The following BARX2 variants were observed in gnomAD, a reference collection of about 807,000 sequenced individuals.
BARX2 encodes homeobox protein BarH-like 2.
A neutral mutation model predicts 25.5 loss-of-function variants in BARX2; 11 were observed. That is an observed-to-expected ratio of 0.43 (90% confidence interval 0.27 to 0.71). BARX2 has a LOEUF of 0.71. Ranked by LOEUF, BARX2 falls within the 30% of genes least tolerant of loss-of-function variation. The pLI, the probability that BARX2 is intolerant of heterozygous loss-of-function variation, is 0.19. For missense variants in BARX2, 360 were observed against 359.9 expected (o/e 1.00, Z 0.00); for synonymous variants, 137 against 149.5 (o/e 0.92, Z 0.61).
intron 2 of BARX2, among the ~76,000 whole-genome samples, chr11:129,440,463 C>A (rs1274043069): frequency 6.6e-6 from 1 of 152,206 alleles, no homozygotes; most frequent in East Asian, 1.9e-4. Context: ...GGGGTGGCCC[C>A]CTGGGTTCTT....
chr11:129,445,275 T>C (rs1431887984), intron 3 of BARX2, among the ~76,000 whole-genome samples: 2 of 152,216 alleles, frequency 1.3e-5, no homozygotes, highest in Non-Finnish European at 2.9e-5. Flanking sequence ...TCCTCGTCAG[T>C]CATCAGCATT....
At chr11:129,429,260 G>A (rs1862102388) in intron 1 of BARX2, among the ~76,000 whole-genome samples, 1 of 152,034 alleles carries the variant, frequency 6.6e-6, no homozygotes, top group Non-Finnish European at 1.5e-5. Flanking sequence ...GGCCGGGCAT[G>A]GTGGCTCACA....
At position 129,390,079 on chromosome 11, in the gene BARX2, T is replaced by G. The variant is rs1591428550; in HGVS notation, c.187+13857T>G. ...TCTTATGAAGTTTAGTATCTGCTGG[T>G]GAAATACTTTAATTGATGAATCCCC... On this transcript the variant is annotated intron_variant, in intron 1 of 3. Coordinates refer to ENST00000281437, the MANE Select transcript of BARX2 (RefSeq NM_003658.5). The surrounding 1 kb of genome is among the most constrained non-coding windows in gnomAD (Gnocchi z 4.3). 6.6e-6 allele frequency among the ~76,000 whole-genome samples: 1 copy of G among 152,192 alleles called. No individual in the cohort carries two copies. Among genetic ancestry groups the G allele is most frequent in the South Asian group, 2.1e-4 (1 of 4,828 alleles).
At chr11:129,430,114 C>T (rs1247204477) in intron 1 of BARX2, among the ~76,000 whole-genome samples, 5 of 152,082 alleles carry the variant, frequency 3.3e-5, no homozygotes, top group Non-Finnish European at 5.9e-5. Context: ...TTCTGGAGAG[C>T]GGGATATTCC....
chr11:129,447,222 C>G (rs538088326), intron 3 of BARX2, among the ~76,000 whole-genome samples: 1 of 152,162 alleles, frequency 6.6e-6, no homozygotes, highest in Non-Finnish European at 1.5e-5. Flanking sequence ...ACATTCCCTG[C>G]CCCCTACCCA....
chr11:129,414,346 A>T (rs574770525), intron 1 of BARX2, among the ~76,000 whole-genome samples: 2 of 152,060 alleles, frequency 1.3e-5, no homozygotes, highest in Admixed American at 6.5e-5. Context: ...AAGCTGTTTT[A>T]TATGGCTTAT....
intron 3 of BARX2, among the ~76,000 whole-genome samples, chr11:129,447,600 A>C (rs1862345906): frequency 6.6e-6 from 1 of 152,142 alleles, no homozygotes; most frequent in Non-Finnish European, 1.5e-5. Context: ...AGCAGCCAAG[A>C]GGGTAGTTAT....
intron 1 of BARX2, among the ~76,000 whole-genome samples, chr11:129,431,120 C>A (rs1186929084): frequency 1.3e-5 from 2 of 152,230 alleles, no homozygotes. Context: ...CTCGGCCTCC[C>A]AGTGTGCATC....
chr11:129,438,825 G>A (rs990103612), intron 2 of BARX2, among the ~76,000 whole-genome samples: 2 of 152,186 alleles, frequency 1.3e-5, no homozygotes, highest in Non-Finnish European at 2.9e-5. Flanking sequence ...TAGGAACACA[G>A]GATATTGCTG....
chr11:129,391,425 C>A (rs1404652963), intron 1 of BARX2, among the ~76,000 whole-genome samples: 6 of 152,114 alleles, frequency 3.9e-5, no homozygotes, highest in Non-Finnish European at 8.8e-5. Context: ...ACAGCATGGC[C>A]CATAAAGCCT....
chr11:129,402,106 G>C (rs1045523962), intron 1 of BARX2, among the ~76,000 whole-genome samples: 19 of 151,618 alleles, frequency 1.3e-4, no homozygotes, highest in Non-Finnish European at 2.4e-4. Context: ...TCATCGTAGT[G>C]TATGGGATGA....
chr11:129,423,454 A>G (rs1201104521), intron 1 of BARX2, among the ~76,000 whole-genome samples: 1 of 152,112 alleles, frequency 6.6e-6, no homozygotes. Flanking sequence ...TTTGCATGTA[A>G]TCAGGAACTT....
intron 1 of BARX2, among the ~76,000 whole-genome samples, chr11:129,397,796 C>A (rs543976813): frequency 1.3e-5 from 2 of 152,292 alleles, no homozygotes; most frequent in Admixed American, 6.5e-5. Flanking sequence ...CTTGGCCGAG[C>A]AGTTGGTGAG....
intron 3 of BARX2, among the ~76,000 whole-genome samples, chr11:129,445,164 A>G (rs1163543323): frequency 5.3e-4 from 81 of 152,186 alleles, no homozygotes; most frequent in Non-Finnish European, 1.3e-4. Flanking sequence ...TAGACTTGAG[A>G]GTGAGAAGCA....
chr11:129,426,074 T>G (rs1396495413), intron 1 of BARX2, among the ~76,000 whole-genome samples: 2 of 152,094 alleles, frequency 1.3e-5, no homozygotes, highest in African/African-American at 2.4e-5. Context: ...GTTGGCCTCT[T>G]AAAACATTTT....
intron 1 of BARX2, among the ~76,000 whole-genome samples, chr11:129,408,823 G>A (rs1172514054): frequency 6.6e-6 from 1 of 152,006 alleles, no homozygotes; most frequent in Non-Finnish European, 1.5e-5. Context: ...TCTCTCTCTA[G>A]ACTGCAAGCT....
intron 1 of BARX2, among the ~76,000 whole-genome samples, chr11:129,422,578 C>T (rs1490868695): frequency 2.0e-5 from 3 of 152,046 alleles, no homozygotes; most frequent in Non-Finnish European, 2.9e-5. Flanking sequence ...GGATTACAGG[C>T]GTGAGCCATC....
Position 129,451,130 on chromosome 11 carries a change from A to C in BARX2, c.574-6A>C. The C allele has an allele frequency of 6.2e-7, 1 of 1,611,034 alleles. No individual in the cohort carries two copies. Among genetic ancestry groups the C allele is most frequent in the Non-Finnish European group, 8.5e-7 (1 of 1,177,920 alleles). On this transcript the variant is annotated splice_region_variant and splice_polypyrimidine_tract_variant and intron_variant, in intron 3 of 3. Coordinates refer to ENST00000281437, the MANE Select transcript of BARX2 (RefSeq NM_003658.5). Reference sequence around the variant, plus strand: ...TAGATTCAATAACAATTTTTTACTCACGTAGGTTCTTAAAGGTGGACAGGA... The same window carrying C: ...TAGATTCAATAACAATTTTTTACTCCCGTAGGTTCTTAAAGGTGGACAGGA...
chr11:129,438,464 G>A (rs903096), intron 2 of BARX2: 62,888 of 152,000 alleles, frequency 0.41, 13,930 homozygotes, highest in African/African-American at 0.58. Context: ...TCTTTTGCCT[G>A]CTGCCTTGGA....
Sources: gnomAD v4.1 joint callset for allele counts (sites outside exome capture counted in the v4.1 genomes callset) on GRCh38, gnomAD v4.1.1 for gene constraint, Gnocchi (gnomAD v3.1) non-coding constraint, MANE v1.5 for transcripts, NCBI Gene and HGNC (gene_info 2026-07-23, HGNC 2026-07-21) for gene names.